DCLRE1C: variants seen among roughly 807,000 people sequenced by gnomAD.
DCLRE1C encodes the protein DNA cross-link repair 1C, also known as protein artemis.
Under a neutral mutation model 61.4 loss-of-function variants are expected in DCLRE1C, and 47 were observed. The observed-to-expected ratio is 0.77, with a 90% CI of 0.61 to 0.98. The LOEUF (loss-of-function observed/expected upper bound fraction) is 0.98, where lower values mean the gene tolerates loss of function less well. Among genes scored for constraint, DCLRE1C ranks in the 50% least tolerant of loss-of-function variants. The pLI, the probability that DCLRE1C is intolerant of heterozygous loss-of-function variation, is 0.00. For missense variants in DCLRE1C, 858 were observed against 816.0 expected, an observed-to-expected ratio of 1.05 and a Z score of -0.63; for synonymous variants, 337 against 287.6, an observed-to-expected ratio of 1.17 and a Z score of -1.74.
At chr10:14,943,125 A>G (rs1275157728) in intron 3 of DCLRE1C, among the ~76,000 whole-genome samples, 2 of 152,136 alleles carry the variant, frequency 1.3e-5, no homozygotes, top group East Asian at 1.9e-4. Context: ...ACTATCTCAA[A>G]AAAAGGAAAA....
rs41296988 is a variant in DCLRE1C at position 14,940,081 on chromosome 10, C to T, written c.247-212G>A. 8.1e-3 allele frequency among the ~76,000 whole-genome samples: 1,233 copies of T among 152,160 alleles called. 18 individuals are homozygous for T. Among genetic ancestry groups the T allele is most frequent in the African/African-American group, 0.027 (1,117 of 41,512 alleles). On this transcript the variant is annotated intron_variant, in intron 3 of 13. Coordinates refer to ENST00000378278, the MANE Select transcript of DCLRE1C (RefSeq NM_001033855.3). ...GGCAGATTTGGTAATACGGAGTAAA[C>T]GCCTTGTAAATGCATATAATCCTCT...
downstream of DCLRE1C, chr10:14,903,299 A>G (rs1470056543): frequency 3.3e-5 from 5 of 152,214 alleles, no homozygotes; most frequent in African/African-American, 1.2e-4. Context: ...AGCAAGGGGA[A>G]TGGAGCACTT....
downstream of DCLRE1C, among the ~76,000 whole-genome samples, chr10:14,900,890 G>A (rs1040290115): frequency 6.6e-6 from 1 of 152,130 alleles, no homozygotes; most frequent in Non-Finnish European, 1.5e-5. Flanking sequence ...GTTACTAATT[G>A]TTGAAGCTGT....
At chr10:14,920,755 G>A (rs1836963243) in intron 12 of DCLRE1C, among the ~76,000 whole-genome samples, 1 of 152,200 alleles carries the variant, frequency 6.6e-6, no homozygotes, top group South Asian at 2.1e-4. Flanking sequence ...GCCAAGGCAG[G>A]TGGATCATTT....
chr10:14,915,104 T>C (rs576265732), intron 13 of DCLRE1C, among the ~76,000 whole-genome samples: 2 of 151,368 alleles, frequency 1.3e-5, no homozygotes, highest in East Asian at 3.9e-4. Flanking sequence ...TTTAAAAATG[T>C]TTTGAATGAC....
At chr10:14,923,986 C>T (rs1436626932) in intron 11 of DCLRE1C, among the ~76,000 whole-genome samples, 3 of 152,238 alleles carry the variant, frequency 2.0e-5, no homozygotes, top group Non-Finnish European at 4.4e-5. Context: ...TACATGCAAC[C>T]CTCTCCTGCC....
intron 2 of DCLRE1C, among the ~76,000 whole-genome samples, chr10:14,948,779 T>C (rs1354220267): frequency 2.6e-5 from 4 of 151,550 alleles, no homozygotes; most frequent in African/African-American, 9.7e-5. Flanking sequence ...ATTATATATA[T>C]ATATATATAT....
At chr10:14,953,615 T>C (rs1005401020) in intron 1 of DCLRE1C, among the ~76,000 whole-genome samples, 3 of 152,116 alleles carry the variant, frequency 2.0e-5, no homozygotes, top group African/African-American at 7.2e-5. Flanking sequence ...CCCTCGCCAA[T>C]CTCTGATCAT....
chr10:14,934,375 C>A lies in DCLRE1C; in HGVS notation c.678+5G>T, dbSNP rs750695358. 1.1e-4 allele frequency: 176 copies of A among 1,613,392 alleles called. No homozygotes were observed. The highest frequency in any genetic ancestry group is 1.5e-4 in the Non-Finnish European group (172 of 1,179,862). On this transcript the variant is annotated splice_donor_5th_base_variant and intron_variant, in intron 8 of 13. Transcript: ENST00000378278. ...AGAAAAGAAAAGAATGAACAGTCAC[C>A]ATACCTGGACTCCTAATTCTTCACT...
At chr10:14,918,040 T>C (rs1277597370) in intron 13 of DCLRE1C, among the ~76,000 whole-genome samples, 1 of 152,238 alleles carries the variant, frequency 6.6e-6, no homozygotes, top group Admixed American at 6.5e-5. Context: ...GTGGAGCAAC[T>C]GAACTCTCAT....
chr10:14,897,866 G>C (rs1314879868), exon 14 of DCLRE1C: 1 of 161,288 alleles, frequency 6.2e-6, no homozygotes, highest in East Asian at 1.8e-4. Flanking sequence ...TTTGAAACTT[G>C]AAAGTTTTAA....
chr10:14,901,930 C>G (rs57848552), downstream of DCLRE1C, among the ~76,000 whole-genome samples: 84 of 152,236 alleles, frequency 5.5e-4, 2 homozygotes, highest in East Asian at 0.014. Context: ...TCTATTCCTA[C>G]TTGAACCTGG....
At chr10:14,954,199 C>G, upstream of DCLRE1C, 1 of 907,356 alleles carries the variant, frequency 1.1e-6, no homozygotes, top group Non-Finnish European at 1.7e-6. Flanking sequence ...GTTCTAGGCG[C>G]CCGCTGCTTG....
intron 1 of DCLRE1C, among the ~76,000 whole-genome samples, chr10:14,950,827 T>C (rs1842357488): frequency 2.0e-5 from 3 of 152,298 alleles, no homozygotes; most frequent in Admixed American, 2.0e-4. Context: ...GGGTTTGCTT[T>C]GTGTGGCTGG....
At position 14,934,386 on chromosome 10, in the gene DCLRE1C, T is replaced by C. The variant is rs1394969881; in HGVS notation, c.672A>G (p.Gly224=). The part of the protein sequence containing the change: ...YLFTNLSEEL[G]VQVHVNKLDM... ...GAATGAACAGTCACCATACCTGGAC[T>C]CCTAATTCTTCACTAAGGTTGGTGA... Residue 224 remains glycine, a synonymous_variant, in exon 8 of 14, where the codon GGA becomes GGG. Transcript: ENST00000378278. 6.2e-7 allele frequency: 1 copy of C among 1,612,938 alleles called. No homozygotes were observed. Among genetic ancestry groups the C allele is most frequent in the Non-Finnish European group, 8.5e-7 (1 of 1,179,782 alleles).
intron 13 of DCLRE1C, among the ~76,000 whole-genome samples, chr10:14,910,753 CTT>C (rs1340523060): frequency 6.7e-6 from 1 of 149,422 alleles, no homozygotes; most frequent in Non-Finnish European, 1.5e-5. Context: ...GAAGAAAGGA[CTT>C]TTGCTTCCAG....
At chr10:14,931,100 G>C (rs1259231737) in intron 9 of DCLRE1C, among the ~76,000 whole-genome samples, 2 of 152,054 alleles carry the variant, frequency 1.3e-5, no homozygotes, top group African/African-American at 4.8e-5. Flanking sequence ...TTAATGCTAA[G>C]GTATTTTAAA....
At chr10:14,939,778 T>C in intron 4 of DCLRE1C, 32 bp downstream of exon 4, 2 of 1,546,080 alleles carry the variant, frequency 1.3e-6, no homozygotes, top group Non-Finnish European at 8.9e-7. Flanking sequence ...ACCACATTTT[T>C]TTAAAAAAAT....
intron 2 of DCLRE1C, among the ~76,000 whole-genome samples, chr10:14,946,776 C>T (rs1841763002): frequency 6.6e-6 from 1 of 152,096 alleles, no homozygotes; most frequent in African/African-American, 2.4e-5. Context: ...GCCACCACAC[C>T]TGGCTCATTT....
Sources: gnomAD v4.1 joint callset for allele counts (sites outside exome capture counted in the v4.1 genomes callset) on GRCh38, gnomAD v4.1.1 for gene constraint, MANE v1.5 for transcripts, NCBI Gene and HGNC (gene_info 2026-07-23, HGNC 2026-07-21) for gene names.